Variants in LRIF1 observed in about 807,000 individuals in gnomAD.
LRIF1 encodes the protein ligand dependent nuclear receptor interacting factor 1.
Under a neutral mutation model 52.7 loss-of-function variants are expected in LRIF1, and 32 were observed. That is an observed-to-expected ratio of 0.61 (90% confidence interval 0.46 to 0.82). The LOEUF is 0.82. Among genes scored for constraint, LRIF1 ranks in the 40% least tolerant of loss-of-function variants. The pLI is 0.00. For synonymous variants in LRIF1, 323 were observed against 317.4 expected (o/e 1.02, Z -0.19); for missense variants, 887 against 892.0 (o/e 0.99, Z 0.07).
chr1:110,924,160 A>G, the LRIF1 span, among the ~76,000 whole-genome samples: 1 of 152,182 alleles, frequency 6.6e-6, no homozygotes, highest in Non-Finnish European at 1.5e-5. Flanking sequence ...TTAAGTTACC[A>G]AAAATATTTC....
chr1:110,957,509 A>G (rs1304721415), intron 1 of LRIF1, among the ~76,000 whole-genome samples: 1 of 149,958 alleles, frequency 6.7e-6, no homozygotes, highest in African/African-American at 2.5e-5. Context: ...AACAATTCTC[A>G]CGGCTTCAAC....
At chr1:110,950,849 C>A (rs1016527396) in intron 2 of LRIF1, among the ~76,000 whole-genome samples, 5 of 152,140 alleles carry the variant, frequency 3.3e-5, no homozygotes, top group Non-Finnish European at 4.4e-5. Flanking sequence ...CACAAAAAAA[C>A]CCCACAAAAC....
chr1:110,951,915 A>G lies in LRIF1; in HGVS notation c.969T>C (p.Asp323=), dbSNP rs1240809602. 5 of 1,614,042 alleles carry G rather than the reference A, an allele frequency of 3.1e-6. No homozygotes were observed. The African/African-American group carries it at 4.0e-5, about 13-fold the overall frequency. ...VASKILKTFV[D]RKNLGDNTIN... ...TAGTATTATCTCCCAAATTTTTCCT[A>G]TCTACAAAAGTTTTTAAAATCTTTG... Residue 323 remains aspartate, a synonymous_variant, in exon 2 of 4, where the codon GAT becomes GAC. Transcript: ENST00000369763.
At chr1:110,937,368 A>G in the LRIF1 span, 1 of 152,158 alleles carries the variant, frequency 6.6e-6, no homozygotes, top group African/African-American at 2.4e-5. Flanking sequence ...AATTGAAATA[A>G]TATCAAGCAT....
At chr1:110,901,826 G>A in the LRIF1 span, among the ~76,000 whole-genome samples, 2 of 152,182 alleles carry the variant, frequency 1.3e-5, no homozygotes, top group African/African-American at 4.8e-5. Flanking sequence ...CATTAAACAT[G>A]CACAAAATGA....
chr1:110,911,500 C>T, the LRIF1 span, among the ~76,000 whole-genome samples: 1 of 152,038 alleles, frequency 6.6e-6, no homozygotes, highest in African/African-American at 2.4e-5. Context: ...CTAACTCATT[C>T]TACAAGGCCA....
chr1:110,904,889 A>T, the LRIF1 span, among the ~76,000 whole-genome samples: 4 of 152,248 alleles, frequency 2.6e-5, no homozygotes, highest in Admixed American at 2.6e-4. Context: ...AATTCAGGGT[A>T]ACACAGAGAA....
downstream of LRIF1, among the ~76,000 whole-genome samples, chr1:110,943,159 TA>T (rs1445859492): frequency 6.6e-6 from 1 of 152,116 alleles, no homozygotes; most frequent in Non-Finnish European, 1.5e-5. Context: ...ACAGGTCAAG[TA>T]AGAGACTAAG....
the LRIF1 span, among the ~76,000 whole-genome samples, chr1:110,895,738 A>T: frequency 4.0e-4 from 61 of 152,308 alleles, no homozygotes; most frequent in African/African-American, 1.5e-3. Flanking sequence ...ACTTTTTATT[A>T]CATAATTTTT....
At chr1:110,938,378 T>A in the LRIF1 span, 11 of 152,192 alleles carry the variant, frequency 7.2e-5, no homozygotes, top group African/African-American at 2.4e-4. Flanking sequence ...GTGGGATTTA[T>A]CCCTGGGATG....
At chr1:110,892,443 T>A in the LRIF1 span, 2 of 1,613,840 alleles carry the variant, frequency 1.2e-6, no homozygotes, top group Non-Finnish European at 1.7e-6. Context: ...CGCTGGGCAA[T>A]GTGTTTGTCA....
intron 3 of LRIF1, among the ~76,000 whole-genome samples, chr1:110,949,141 C>CA (rs1021708744): frequency 2.6e-5 from 4 of 151,420 alleles, no homozygotes; most frequent in South Asian, 2.1e-4. Flanking sequence ...TTTTTTGAGA[C>CA]AGAGTTTCGT....
the LRIF1 span, among the ~76,000 whole-genome samples, chr1:110,921,989 T>G: frequency 6.6e-6 from 1 of 152,188 alleles, no homozygotes; most frequent in Non-Finnish European, 1.5e-5. Flanking sequence ...TACAACCTTA[T>G]GTAGACCTCA....
chr1:110,963,586 G>C, intron 1 of LRIF1, 35 bp downstream of exon 1: 2 of 1,576,610 alleles, frequency 1.3e-6, no homozygotes, highest in South Asian at 1.1e-5. Context: ...CGGACAGAGG[G>C]GCAGCCGTGG....
At chr1:110,916,912 A>G in the LRIF1 span, among the ~76,000 whole-genome samples, 4 of 152,252 alleles carry the variant, frequency 2.6e-5, no homozygotes, top group Non-Finnish European at 5.9e-5. Context: ...ACTTTGTCCA[A>G]CTTGTCTAAA....
chr1:110,956,124 A>T (rs1658688918), intron 1 of LRIF1, among the ~76,000 whole-genome samples: 1 of 152,236 alleles, frequency 6.6e-6, no homozygotes, highest in African/African-American at 2.4e-5. Context: ...AAGAGCAAAA[A>T]TATGGAAAGA....
the LRIF1 span, among the ~76,000 whole-genome samples, chr1:110,879,955 C>T: frequency 6.6e-6 from 1 of 151,918 alleles, no homozygotes; most frequent in South Asian, 2.1e-4. Flanking sequence ...GCTGTTAGTA[C>T]AGGTCAAAAA....
the LRIF1 span, among the ~76,000 whole-genome samples, chr1:110,879,638 A>G: frequency 6.6e-6 from 1 of 152,168 alleles, no homozygotes; most frequent in East Asian, 1.9e-4. Context: ...TCTATGTAGC[A>G]CCAAAGCTGT....
intron 1 of LRIF1, among the ~76,000 whole-genome samples, chr1:110,962,061 T>TACACACACACGTACACAC (rs1553212100): frequency 7.6e-5 from 11 of 143,892 alleles, no homozygotes; most frequent in African/African-American, 2.8e-4. Flanking sequence ...GAGTTAAGGG[T>TACACACACACGTACACAC]ACACACACAC....
Sources: gnomAD v4.1 joint callset for allele counts (sites outside exome capture counted in the v4.1 genomes callset) on GRCh38, gnomAD v4.1.1 for gene constraint, MANE v1.5 for transcripts, NCBI Gene and HGNC (gene_info 2026-07-23, HGNC 2026-07-21) for gene names.